STARD13: variants seen among roughly 807,000 people sequenced by gnomAD.
STARD13 encodes the protein StAR related lipid transfer domain containing 13.
In STARD13, 62 loss-of-function variants were observed where a neutral mutation model predicts 106.4. The ratio of observed to expected loss-of-function variants is 0.58; its 90% CI spans 0.48 to 0.72. The LOEUF (loss-of-function observed/expected upper bound fraction) is 0.72. Ranked by LOEUF, STARD13 falls within the 30% of genes least tolerant of loss-of-function variation. STARD13 has a pLI of 0.00. For synonymous variants in STARD13, 565 were observed against 553.0 expected (o/e 1.02, Z -0.31); for missense variants, 1,387 against 1,424.0 (o/e 0.97, Z 0.42).
chr13:33,561,614 C>T, the STARD13 span, among the ~76,000 whole-genome samples: 2 of 120,292 alleles, frequency 1.7e-5, 1 homozygote, highest in Non-Finnish European at 3.7e-5. Context: ...GCCAGTGTAT[C>T]AAGTTTAATA....
Position 33,285,717 on chromosome 13 carries a change from C to G in STARD13, c.-79G>C. 3.2e-6 allele frequency: 5 copies of G among 1,578,636 alleles called. No homozygotes were observed. Among genetic ancestry groups the G allele is most frequent in the Non-Finnish European group, 4.3e-6 (5 of 1,165,756 alleles). On this transcript the variant is annotated 5_prime_UTR_variant, in exon 1 of 14. Coordinates refer to ENST00000336934, the MANE Select transcript of STARD13 (RefSeq NM_178006.4). The stretch of plus-strand genomic sequence containing the variant: ...CTCCAGTCTCAGTCAAAGAGCAAGG[C>G]ACCCAGCCCAGGACAGCTCAACAGA...
At chr13:33,338,213 G>T (rs2077918412) in intron 1 of STARD13, among the ~76,000 whole-genome samples, 2 of 152,176 alleles carry the variant, frequency 1.3e-5, no homozygotes, top group Admixed American at 1.3e-4. Flanking sequence ...TCAACTATCA[G>T]ACCAACCCAT....
the STARD13 span, among the ~76,000 whole-genome samples, chr13:33,431,749 A>G: frequency 6.6e-6 from 1 of 152,238 alleles, no homozygotes; most frequent in Non-Finnish European, 1.5e-5. Context: ...CTTACCTTAC[A>G]GGGTGGTCAT....
chr13:33,443,312 G>C, the STARD13 span, among the ~76,000 whole-genome samples: 1 of 151,634 alleles, frequency 6.6e-6, no homozygotes, highest in Non-Finnish European at 1.5e-5. Context: ...AGGAGGTGGA[G>C]CTTGCAGTGA....
the STARD13 span, among the ~76,000 whole-genome samples, chr13:33,380,647 G>T: frequency 1.3e-5 from 2 of 152,024 alleles, no homozygotes; most frequent in African/African-American, 2.4e-5. Context: ...AGATGCAAGA[G>T]AATACAATGG....
chr13:33,242,024 C>T (rs1376524454), intron 1 of STARD13, among the ~76,000 whole-genome samples: 1 of 151,754 alleles, frequency 6.6e-6, no homozygotes, highest in Non-Finnish European at 1.5e-5. Flanking sequence ...TGGGGAGCCC[C>T]TCTGCCCCGC....
intron 4 of STARD13, among the ~76,000 whole-genome samples, chr13:33,135,972 A>T (rs1878998855): frequency 6.6e-6 from 1 of 152,098 alleles, no homozygotes; most frequent in Non-Finnish European, 1.5e-5. Context: ...AAATACAGAA[A>T]TTAGCCTGGT....
At chr13:33,151,059 T>C (rs1305489342) in intron 3 of STARD13, among the ~76,000 whole-genome samples, 2 of 152,028 alleles carry the variant, frequency 1.3e-5, no homozygotes, top group Admixed American at 6.6e-5. Context: ...GGACAACGCC[T>C]CCCAGAGGAG....
chr13:33,299,559 A>C (rs1892631927), intron 1 of STARD13, among the ~76,000 whole-genome samples: 1 of 152,140 alleles, frequency 6.6e-6, no homozygotes, highest in Non-Finnish European at 1.5e-5. Flanking sequence ...AACAAAACAA[A>C]ATTTGGCCCA....
At position 33,157,531 on chromosome 13, in the gene STARD13, G is replaced by A. The variant is rs138017309; in HGVS notation, c.323+7806C>T. Among the ~76,000 whole-genome samples, 205 of 152,228 alleles carry A rather than the reference G, an allele frequency of 1.3e-3. 3 individuals carry two copies. Among genetic ancestry groups the A allele is most frequent in the African/African-American group, 4.7e-3 (196 of 41,530 alleles). Reference sequence around the variant, plus strand: ...AAAAATACAAAAAATGTAGCTGGGCGTGGTGGTTGGTGCCTGTAATCCCAG... The same window carrying A: ...AAAAATACAAAAAATGTAGCTGGGCATGGTGGTTGGTGCCTGTAATCCCAG... On this transcript the variant is annotated intron_variant, in intron 3 of 13. Transcript: ENST00000336934.
At chr13:33,338,437 G>A (rs1482127695) in intron 1 of STARD13, among the ~76,000 whole-genome samples, 1 of 152,118 alleles carries the variant, frequency 6.6e-6, no homozygotes, top group Non-Finnish European at 1.5e-5. Flanking sequence ...TACAGCTGAT[G>A]GTGATTTTGA....
the STARD13 span, among the ~76,000 whole-genome samples, chr13:33,381,086 T>A: frequency 6.6e-6 from 1 of 152,208 alleles, no homozygotes; most frequent in Admixed American, 6.5e-5. Flanking sequence ...AGGAATGCTA[T>A]GTTCTGAGGA....
At chr13:33,591,508 T>G in the STARD13 span, among the ~76,000 whole-genome samples, 1 of 152,246 alleles carries the variant, frequency 6.6e-6, no homozygotes, top group African/African-American at 2.4e-5. Context: ...TGAAATGGAA[T>G]CTATGACCAC....
At chr13:33,295,644 GACAGTT>G (rs1892459942) in intron 1 of STARD13, among the ~76,000 whole-genome samples, 1 of 152,060 alleles carries the variant, frequency 6.6e-6, no homozygotes, top group South Asian at 2.1e-4. Flanking sequence ...AAAAGAGGAG[GACAGTT>G]ACAATTATAG....
At chr13:33,362,068 T>C in the STARD13 span, among the ~76,000 whole-genome samples, 7 of 152,230 alleles carry the variant, frequency 4.6e-5, no homozygotes, top group African/African-American at 1.7e-4. Flanking sequence ...TGTTAGGCCA[T>C]TTTTGTGTCA....
chr13:33,499,555 C>A, the STARD13 span, among the ~76,000 whole-genome samples: 1 of 57,764 alleles, frequency 1.7e-5, no homozygotes, highest in African/African-American at 6.5e-5. Flanking sequence ...TCTTCTTCTT[C>A]TTCTTCTTCT....
At chr13:33,613,360 TA>T in the STARD13 span, among the ~76,000 whole-genome samples, 1 of 152,228 alleles carries the variant, frequency 6.6e-6, no homozygotes, top group Admixed American at 6.5e-5. Context: ...GCTGAAGCTA[TA>T]GTCCACAGAG....
At chr13:33,327,008 A>G (rs1401299883) in intron 1 of STARD13, among the ~76,000 whole-genome samples, 1 of 152,116 alleles carries the variant, frequency 6.6e-6, no homozygotes, top group Non-Finnish European at 1.5e-5. Flanking sequence ...ACCTTCTAGG[A>G]CTGTTTTATG....
intron 1 of STARD13, among the ~76,000 whole-genome samples, chr13:33,209,894 G>T (rs996353916): frequency 6.6e-6 from 1 of 152,134 alleles, no homozygotes; most frequent in Non-Finnish European, 1.5e-5. Flanking sequence ...GATCACTTGA[G>T]CCTAGGAGGT....
Sources: gnomAD v4.1 joint callset for allele counts (sites outside exome capture counted in the v4.1 genomes callset) on GRCh38, gnomAD v4.1.1 for gene constraint, MANE v1.5 for transcripts, NCBI Gene and HGNC (gene_info 2026-07-23, HGNC 2026-07-21) for gene names.